The following RTF1 variants were observed in gnomAD, a reference collection of about 807,000 sequenced individuals.
RTF1 encodes the protein RTF1 homolog, Paf1/RNA polymerase II complex component, also known as RNA polymerase-associated protein RTF1 homolog.
RTF1 carries 10 observed loss-of-function variants against 95.7 expected under a neutral mutation model. That is an observed-to-expected ratio of 0.10 (90% CI 0.06 to 0.18). The LOEUF (loss-of-function observed/expected upper bound fraction) is 0.18, where lower values mean the gene tolerates loss of function less well. Ranked by LOEUF, RTF1 falls within the 10% of genes least tolerant of loss-of-function variation. The probability of loss-of-function intolerance (pLI) is 1.00; values close to 1 mark genes in which losing one functional copy is unlikely to be tolerated. For missense variants in RTF1, 458 were observed against 875.6 expected, an observed-to-expected ratio of 0.52 and a Z score of 6.02; for synonymous variants, 305 against 311.8, an observed-to-expected ratio of 0.98 and a Z score of 0.23.
At chr15:41,420,334 A>G (rs1237563674) in intron 1 of RTF1, among the ~76,000 whole-genome samples, 2 of 152,140 alleles carry the variant, frequency 1.3e-5, no homozygotes, top group African/African-American at 4.8e-5. Flanking sequence ...TCTGTTCAGC[A>G]CTATGCCAGA....
At chr15:41,438,533 C>T (rs2050716607) in intron 2 of RTF1, 102 bp downstream of exon 2, 4 of 672,264 alleles carry the variant, frequency 6.0e-6, no homozygotes, top group Non-Finnish European at 9.8e-6. Context: ...GACTTACAGC[C>T]TAAGATCTAC....
chr15:41,480,738 A>G lies in RTF1; in HGVS notation c.*51A>G. On this transcript the variant is annotated 3_prime_UTR_variant, in exon 18 of 18. Transcript: ENST00000389629. The stretch of plus-strand genomic sequence containing the variant: ...CCTGCATGCCCCATCGCAGCGTCCC[A>G]CCTTTCCTCCTTTCCTTTGATTTAG... 1 of 1,313,438 alleles carries G rather than the reference A, an allele frequency of 7.6e-7. No homozygotes were observed. The highest frequency in any genetic ancestry group is 1.1e-6 in the Non-Finnish European group (1 of 908,020). 81.4% of individuals were successfully genotyped at this position (1,313,438 alleles called of 1,614,324 possible). A position where few individuals can be genotyped will look rare whatever the true frequency, so the allele number is the denominator to read the frequency against.
rs1252933700 is a variant in RTF1 at position 41,474,803 on chromosome 15, G to A, written c.1286+101G>A. On this transcript the variant is annotated intron_variant, in intron 9 of 17. Coordinates refer to ENST00000389629, the MANE Select transcript of RTF1 (RefSeq NM_015138.5). The stretch of plus-strand genomic sequence containing the variant: ...TGTGATGTTCCTTGTTACCATGAAC[G>A]CTATGTATGCAATCCCCACAAGGTA... The A allele has an allele frequency of 2.4e-5, 20 of 845,510 alleles. No homozygotes were observed. In the East Asian group the frequency reaches 3.7e-4, roughly 15 times the overall value. The allele number at this position is 845,510 out of a possible 1,614,324, so 52.4% of individuals were successfully genotyped here. A position where few individuals can be genotyped will look rare whatever the true frequency, so the allele number is the denominator to read the frequency against.
At chr15:41,429,801 C>T (rs2050659452) in intron 1 of RTF1, among the ~76,000 whole-genome samples, 1 of 151,910 alleles carries the variant, frequency 6.6e-6, no homozygotes, top group Non-Finnish European at 1.5e-5. Context: ...AGAGAAGCCT[C>T]TCTAACCACC....
chr15:41,442,493 A>G lies in RTF1; in HGVS notation c.309+4062A>G, dbSNP rs562172646. On this transcript the variant is annotated intron_variant, in intron 2 of 17. Coordinates refer to ENST00000389629, the MANE Select transcript of RTF1 (RefSeq NM_015138.5). ...TATTAATACGTCTTTCGTGGGTGAA[A>G]AAACACATACTGAAGTAGTTTGCTA... 8.3e-4 allele frequency among the ~76,000 whole-genome samples: 126 copies of G among 152,006 alleles called. 1 individual carries two copies. The highest frequency in any genetic ancestry group is 3.0e-3 in the African/African-American group (124 of 41,468).
At chr15:41,457,182 G>A (rs999202398) in intron 3 of RTF1, among the ~76,000 whole-genome samples, 18 of 152,196 alleles carry the variant, frequency 1.2e-4, no homozygotes. Context: ...CAGGAGGATT[G>A]CTTGAGCCCA....
chr15:41,426,161 T>C (rs2050628202), intron 1 of RTF1, among the ~76,000 whole-genome samples: 1 of 152,024 alleles, frequency 6.6e-6, no homozygotes, highest in African/African-American at 2.4e-5. Flanking sequence ...AGTCTCGCTC[T>C]GTTGCCTAGG....
intron 1 of RTF1, among the ~76,000 whole-genome samples, chr15:41,426,228 A>G (rs1483194947): frequency 6.6e-6 from 1 of 151,768 alleles, no homozygotes; most frequent in Non-Finnish European, 1.5e-5. Context: ...GGTTCAAGCG[A>G]TTCTCGTGCC....
chr15:41,480,550 T>A, intron 17 of RTF1, 31 bp from the exon 18 acceptor site: 1 of 1,532,572 alleles, frequency 6.5e-7, no homozygotes, highest in Non-Finnish European at 9.0e-7. Context: ...TTGTGGGACC[T>A]CAGCTGCCAA....
At chr15:41,440,313 C>T (rs1451042436) in intron 2 of RTF1, 1 of 151,530 alleles carries the variant, frequency 6.6e-6, no homozygotes, top group Non-Finnish European at 1.5e-5. Context: ...GCCTCAGCCT[C>T]CTGAGTAGCT....
At chr15:41,424,487 A>G (rs1285964451) in intron 1 of RTF1, among the ~76,000 whole-genome samples, 3 of 152,212 alleles carry the variant, frequency 2.0e-5, no homozygotes, top group Admixed American at 2.0e-4. Flanking sequence ...TGGAGAGAGA[A>G]TAGTACAAAT....
intron 4 of RTF1, among the ~76,000 whole-genome samples, chr15:41,463,995 GCA>G (rs1360175350): frequency 6.6e-6 from 1 of 151,938 alleles, no homozygotes; most frequent in African/African-American, 2.4e-5. Context: ...GGGATTACAG[GCA>G]CATGCCACCA....
In RTF1 at chr15:41,447,209, C is replaced by A. The variant is rs529933866; in HGVS notation, c.310-5692C>A. On this transcript the variant is annotated intron_variant, in intron 2 of 17. Transcript: ENST00000389629. Reference sequence around the variant, plus strand: ...TGGTTTCTATGCTGGGTCCTGAGACCTAGGAATATGGGTATTCCTTGCTCA... The same window carrying A: ...TGGTTTCTATGCTGGGTCCTGAGACATAGGAATATGGGTATTCCTTGCTCA... Among the ~76,000 whole-genome samples, 3 of 152,292 alleles carry A rather than the reference C, an allele frequency of 2.0e-5. No homozygotes were observed. In the South Asian group the frequency reaches 6.2e-4, roughly 32 times the overall value.
rs2050946346 is a variant in RTF1 at position 41,477,237 on chromosome 15, C to T, written c.1633C>T (p.Arg545Trp). Reference sequence around the variant, plus strand: ...AGATCAACTGAATGAGCTGGAGGAACGGGCAGAGGCCCTGGACCGCCAGCG... The same window carrying T: ...AGATCAACTGAATGAGCTGGAGGAATGGGCAGAGGCCCTGGACCGCCAGCG... ...IQDQLNELEE[R>W]AEALDRQRTK... The change falls in exon 13 of 18, where the codon CGG (arginine) becomes TGG (tryptophan). Residue 545 changes from arginine to tryptophan, a missense_variant. Arg to Trp is a moderately radical substitution (Grantham distance 101). Transcript: ENST00000389629. 5 of 1,614,126 alleles carry T rather than the reference C, an allele frequency of 3.1e-6. No individual in the cohort carries two copies. Among genetic ancestry groups the T allele is most frequent in the Admixed American group, 1.7e-5 (1 of 60,004 alleles).
chr15:41,449,466 C>T (rs910758093), intron 2 of RTF1, among the ~76,000 whole-genome samples: 12 of 151,868 alleles, frequency 7.9e-5, no homozygotes, highest in African/African-American at 2.4e-4. Context: ...CTCCTGACCT[C>T]GTGATCTGCC....
chr15:41,478,756 G>C (rs2050955043), intron 15 of RTF1, 131 bp downstream of exon 15: 4 of 784,466 alleles, frequency 5.1e-6, no homozygotes, highest in Non-Finnish European at 8.5e-6. Context: ...GAAGCTCTTG[G>C]GTCTGGATAC....
chr15:41,432,561 C>T lies in RTF1; in HGVS notation c.199-5760C>T, dbSNP rs556984988. ...AGGCAGTACTAATGTCTTAACACTT[C>T]AGTTACAGTAACTTTTAACAGATGT... On this transcript the variant is annotated intron_variant, in intron 1 of 17. Transcript: ENST00000389629. 3.3e-5 allele frequency among the ~76,000 whole-genome samples: 5 copies of T among 152,208 alleles called. No individual in the cohort carries two copies. The East Asian group carries it at 7.7e-4, about 23-fold the overall frequency.
chr15:41,436,310 A>AG (rs2050702143), intron 1 of RTF1, among the ~76,000 whole-genome samples: 1 of 147,592 alleles, frequency 6.8e-6, no homozygotes, highest in Admixed American at 6.8e-5. Flanking sequence ...AAAAAAAAAA[A>AG]TTAGCTGGGC....
At chr15:41,478,368 T>C (rs2050952759) in intron 14 of RTF1, 180 bp from the exon 15 acceptor site, 3 of 582,062 alleles carry the variant, frequency 5.2e-6, no homozygotes, top group South Asian at 4.4e-5. Context: ...GTCACTGCAC[T>C]TCAGCCTAGG....
Sources: allele counts gnomAD v4.1 joint callset (sites outside exome capture counted in the v4.1 genomes callset), GRCh38; gene constraint gnomAD v4.1.1; transcripts MANE v1.5; gene names NCBI Gene and HGNC (gene_info 2026-07-23, HGNC 2026-07-21).